Variants in DLGAP1 observed in about 807,000 individuals in gnomAD.
DLGAP1 encodes the protein disks large-associated protein 1.
In DLGAP1, 11 loss-of-function variants were observed where a neutral mutation model predicts 90.8. The ratio of observed to expected loss-of-function variants is 0.12; its 90% CI spans 0.08 to 0.20. DLGAP1 has a LOEUF of 0.20. Ranked by LOEUF, DLGAP1 falls within the 10% of genes least tolerant of loss-of-function variation. The pLI, the probability that DLGAP1 is intolerant of heterozygous loss-of-function variation, is 1.00. For missense variants in DLGAP1, 1,050 were observed against 1,333.8 expected (o/e 0.79, Z 3.31); for synonymous variants, 558 against 540.7 (o/e 1.03, Z -0.44).
intron 5 of DLGAP1, among the ~76,000 whole-genome samples, chr18:3,759,625 C>A (rs913355410): frequency 6.6e-6 from 1 of 152,166 alleles, no homozygotes; most frequent in Admixed American, 6.5e-5. Context: ...GACGCTTATG[C>A]TGGATGTCAT....
chr18:4,259,045 G>C (rs965769445), intron 1 of DLGAP1, among the ~76,000 whole-genome samples: 1 of 152,116 alleles, frequency 6.6e-6, no homozygotes, highest in Non-Finnish European at 1.5e-5. Flanking sequence ...AGATATATTT[G>C]AATATATTCG....
intron 2 of DLGAP1, among the ~76,000 whole-genome samples, chr18:4,063,039 T>C (rs141559702): frequency 1.3e-5 from 2 of 152,272 alleles, no homozygotes; most frequent in African/African-American, 4.8e-5. Flanking sequence ...ATTAATGCTT[T>C]TTTTATGTTT....
rs114468482 is a variant in DLGAP1, at chr18:4,331,372, T to G, written c.-267+123634A>C. On this transcript the variant is annotated intron_variant, in intron 1 of 12. Transcript: ENST00000315677. The stretch of plus-strand genomic sequence containing the variant: ...CTCCATTCCTCTTTTCTCCTACCCA[T>G]CAAGGGGATCCTAGTGATTCTTCAG... 5.4e-3 allele frequency among the ~76,000 whole-genome samples: 826 copies of G among 151,794 alleles called. 28 individuals carry two copies. Among genetic ancestry groups the G allele is most frequent in the African/African-American group, 0.019 (775 of 41,182 alleles).
chr18:4,165,435 A>G (rs1373619071), intron 1 of DLGAP1, among the ~76,000 whole-genome samples: 1 of 152,226 alleles, frequency 6.6e-6, no homozygotes, highest in Non-Finnish European at 1.5e-5. Flanking sequence ...GAAAATTAGA[A>G]AAGTCTGTCA....
intron 3 of DLGAP1, among the ~76,000 whole-genome samples, chr18:3,898,262 A>T (rs1346486582): frequency 6.6e-6 from 1 of 152,066 alleles, no homozygotes; most frequent in African/African-American, 2.4e-5. Flanking sequence ...TTGATTTTGG[A>T]TTTTTGTATT....
intron 1 of DLGAP1, among the ~76,000 whole-genome samples, chr18:4,161,508 G>T (rs1367365714): frequency 6.6e-6 from 1 of 152,074 alleles, no homozygotes; most frequent in Non-Finnish European, 1.5e-5. Context: ...GAGTATTTGG[G>T]TTGATTCCAT....
At chr18:3,846,216 C>G (rs2069004912) in intron 4 of DLGAP1, among the ~76,000 whole-genome samples, 2 of 152,118 alleles carry the variant, frequency 1.3e-5, no homozygotes, top group African/African-American at 4.8e-5. Flanking sequence ...AGCAAGATCA[C>G]TTTTAGGTTA....
intron 2 of DLGAP1, among the ~76,000 whole-genome samples, chr18:4,073,055 A>G (rs1256012925): frequency 6.6e-6 from 1 of 152,158 alleles, no homozygotes; most frequent in Non-Finnish European, 1.5e-5. Context: ...TAGTTTCCTC[A>G]ACTGAAACAG....
chr18:3,804,033 G>A (rs534068997), intron 5 of DLGAP1, among the ~76,000 whole-genome samples: 10 of 134,010 alleles, frequency 7.5e-5, no homozygotes, highest in Admixed American at 1.6e-4. Flanking sequence ...TGGCTCTGTC[G>A]GCCAGGCTAG....
intron 7 of DLGAP1, 105 bp from the exon 8 acceptor site, chr18:3,582,353 G>C (rs2055569046): frequency 1.3e-6 from 2 of 1,492,456 alleles, no homozygotes; most frequent in South Asian, 2.6e-5. Flanking sequence ...AACACACTGA[G>C]ACATTTAACA....
chr18:4,142,902 G>A (rs189682670), intron 2 of DLGAP1, among the ~76,000 whole-genome samples: 2 of 152,196 alleles, frequency 1.3e-5, no homozygotes, highest in South Asian at 2.1e-4. Context: ...GGAGAAGATC[G>A]GGAAAAATTT....
chr18:3,594,347 T>TCCCG (rs2056456003), intron 7 of DLGAP1: 1 of 13,378 alleles, frequency 7.5e-5, no homozygotes. Context: ...CACACCCCCC[T>TCCCG]CCCTCCCTCC....
chr18:3,498,932 T>C lies in DLGAP1; in HGVS notation c.*253A>G, dbSNP rs764584589. On this transcript the variant is annotated 3_prime_UTR_variant, in exon 13 of 13. Transcript: ENST00000315677. The stretch of plus-strand genomic sequence containing the variant: ...CAGAAAATAAAGGGTTGGATCTCAG[T>C]ATGAGGCAGGGCGACGGCATCAGGA... 2 of 518,896 alleles carry C rather than the reference T, an allele frequency of 3.9e-6. No homozygotes were observed. Among genetic ancestry groups the C allele is most frequent in the East Asian group, 3.3e-5 (1 of 29,880 alleles). The allele number at this position is 518,896 out of a possible 1,614,324, so 32.1% of individuals were successfully genotyped here.
At chr18:4,375,523 G>A (rs1214743181) in intron 1 of DLGAP1, among the ~76,000 whole-genome samples, 5 of 152,066 alleles carry the variant, frequency 3.3e-5, no homozygotes, top group East Asian at 3.9e-4. Flanking sequence ...TCGAAACTGA[G>A]ACCAACCAAC....
intron 7 of DLGAP1, among the ~76,000 whole-genome samples, chr18:3,696,100 A>G (rs905041972): frequency 1.3e-5 from 2 of 152,222 alleles, no homozygotes; most frequent in Non-Finnish European, 2.9e-5. Context: ...TTTTGGGCTG[A>G]GACGATGGGG....
At chr18:3,544,590 C>A (rs1166206213) in intron 9 of DLGAP1, among the ~76,000 whole-genome samples, 1 of 151,708 alleles carries the variant, frequency 6.6e-6, no homozygotes, top group African/African-American at 2.4e-5. Flanking sequence ...TATTTAATTC[C>A]ATTGTGGTCA....
intron 4 of DLGAP1, among the ~76,000 whole-genome samples, chr18:3,877,051 T>G (rs2071022746): frequency 1.3e-5 from 2 of 152,186 alleles, no homozygotes; most frequent in African/African-American, 4.8e-5. Flanking sequence ...ACCTCCAGAT[T>G]GTGGGGCTTT....
rs143024891 is a variant in DLGAP1, at chr18:4,104,976, A to G, written c.-159+46204T>C. 1.4e-3 allele frequency among the ~76,000 whole-genome samples: 218 copies of G among 152,296 alleles called. 1 individual carries two copies. The highest frequency in any genetic ancestry group is 5.0e-3 in the African/African-American group (206 of 41,576). On this transcript the variant is annotated intron_variant, in intron 2 of 12. Coordinates refer to ENST00000315677, the MANE Select transcript of DLGAP1 (RefSeq NM_004746.4). Reference sequence around the variant, plus strand: ...TGGAAATGCCTAGTGCCTGAACCACATTTACTCATTCAGTGTACAAGGATT... The same window carrying G: ...TGGAAATGCCTAGTGCCTGAACCACGTTTACTCATTCAGTGTACAAGGATT...
rs200399766 is a variant in DLGAP1, at chr18:3,534,227, G to A, written c.2446C>T (p.Arg816Trp). 7.4e-6 allele frequency: 12 copies of A among 1,614,076 alleles called. No individual in the cohort carries two copies. The highest frequency in any genetic ancestry group is 2.2e-5 in the East Asian group (1 of 44,872). ...RMEGWCQQMEREERENNLPED... is the reference protein window; with the variant it reads ...RMEGWCQQMEWEERENNLPED... ...GGCAGGTTGTTTTCCCGTTCTTCCC[G>A]CTCCATCTGTTGACACCACCCCTCC... Residue 816 changes from arginine (R) to tryptophan (W), a missense_variant, in exon 10 of 13, where the codon CGG becomes TGG. Arg to Trp is a moderately radical substitution (Grantham distance 101). Around this residue, in one of 2 missense-constraint regions of DLGAP1, gnomAD observed 565 missense variants for 879.7 expected, o/e 0.64. Coordinates refer to ENST00000315677, the MANE Select transcript of DLGAP1 (RefSeq NM_004746.4).
Sources: gnomAD v4.1 joint callset for allele counts (sites outside exome capture counted in the v4.1 genomes callset) on GRCh38, gnomAD v4.1.1 for gene constraint, gnomAD v4.1.1 regional missense constraint, MANE v1.5 for transcripts, NCBI Gene and HGNC (gene_info 2026-07-23, HGNC 2026-07-21) for gene names.